The following YIPF7 variants were observed in gnomAD, a reference collection of about 807,000 sequenced individuals.
YIPF7 encodes Yip1 domain family member 7, also known as protein YIPF7.
Under a neutral mutation model 27.2 loss-of-function variants are expected in YIPF7, and 35 were observed. The ratio of observed to expected loss-of-function variants is 1.29; its 90% confidence interval spans 0.98 to 1.70. The LOEUF (loss-of-function observed/expected upper bound fraction) is 1.70, where lower values mean the gene tolerates loss of function less well. Among genes scored for constraint, YIPF7 ranks in the 40% most tolerant of loss-of-function variants. The pLI is 0.00. For missense variants in YIPF7, 358 were observed against 303.7 expected (o/e 1.18, Z -1.33); for synonymous variants, 137 against 110.4 (o/e 1.24, Z -1.51).
At chr4:44,661,867 C>T (rs965813741) in intron 1 of YIPF7, among the ~76,000 whole-genome samples, 1 of 152,084 alleles carries the variant, frequency 6.6e-6, no homozygotes, top group South Asian at 2.1e-4. Context: ...CTTTAATTAC[C>T]AAGTTAATTG....
rs532697907 is a variant in YIPF7 at position 44,622,138 on chromosome 4, C to G, written c.*276G>C. ...TATTTACTTACTTTTCTCAGAAATA[C>G]CTCTATTGAGAAAAGCAGGGTTGAT... On this transcript the variant is annotated 3_prime_UTR_variant, in exon 6 of 6. Transcript: ENST00000415895. 3.1e-6 allele frequency: 1 copy of G among 325,956 alleles called. No homozygotes were observed. The highest frequency in any genetic ancestry group is 6.2e-5 in the East Asian group (1 of 16,254). 20.2% of individuals were successfully genotyped at this position (325,956 alleles called of 1,614,324 possible). A position where few individuals can be genotyped will look rare whatever the true frequency, so the allele number is the denominator to read the frequency against.
chr4:44,624,000 C>T (rs1018198241), intron 5 of YIPF7, among the ~76,000 whole-genome samples: 3 of 151,534 alleles, frequency 2.0e-5, no homozygotes, highest in Non-Finnish European at 2.9e-5. Context: ...TTACACATGA[C>T]AATAGTTCAC....
intron 2 of YIPF7, among the ~76,000 whole-genome samples, chr4:44,647,504 T>C (rs1713568954): frequency 6.6e-6 from 1 of 152,184 alleles, no homozygotes; most frequent in African/African-American, 2.4e-5. Context: ...TAGATATCTT[T>C]CATTGTGGAT....
chr4:44,657,451 C>G (rs1713929526), intron 2 of YIPF7, among the ~76,000 whole-genome samples: 1 of 152,110 alleles, frequency 6.6e-6, no homozygotes, highest in Non-Finnish European at 1.5e-5. Context: ...AGTTGACTGT[C>G]TGGTTTAAAG....
At chr4:44,639,043 A>T (rs1424789217) in intron 2 of YIPF7, among the ~76,000 whole-genome samples, 1 of 152,076 alleles carries the variant, frequency 6.6e-6, no homozygotes, top group Non-Finnish European at 1.5e-5. Context: ...TGTTCCATTG[A>T]TCTATATGTC....
intron 2 of YIPF7, among the ~76,000 whole-genome samples, chr4:44,648,967 T>G (rs1713626385): frequency 6.6e-6 from 1 of 152,182 alleles, no homozygotes; most frequent in Non-Finnish European, 1.5e-5. Flanking sequence ...AATTTTTACT[T>G]CAAATAACTA....
chr4:44,654,718 G>T (rs1156564284), upstream of YIPF7, among the ~76,000 whole-genome samples: 1 of 151,896 alleles, frequency 6.6e-6, no homozygotes, highest in Non-Finnish European at 1.5e-5. Flanking sequence ...ACATCACAAA[G>T]CACTCACTCA....
intron 3 of YIPF7, among the ~76,000 whole-genome samples, chr4:44,633,016 C>A (rs1712970062): frequency 6.6e-6 from 1 of 152,170 alleles, no homozygotes; most frequent in African/African-American, 2.4e-5. Context: ...CCGCCTCCTG[C>A]CAGATGAGCT....
chr4:44,650,560 G>A (rs1713701319), intron 1 of YIPF7, among the ~76,000 whole-genome samples: 1 of 151,264 alleles, frequency 6.6e-6, no homozygotes, highest in African/African-American at 2.4e-5. Context: ...ATCTGCAAAT[G>A]GCTGATAATA....
chr4:44,656,940 A>C (rs1366851137), intron 2 of YIPF7, among the ~76,000 whole-genome samples: 2 of 152,124 alleles, frequency 1.3e-5, no homozygotes, highest in African/African-American at 4.8e-5. Context: ...CTCAGTAAGG[A>C]CGTATGTTTA....
intron 2 of YIPF7, among the ~76,000 whole-genome samples, chr4:44,641,707 T>C (rs1463980022): frequency 1.3e-5 from 2 of 152,170 alleles, no homozygotes; most frequent in African/African-American, 2.4e-5. Flanking sequence ...GAGAATAACT[T>C]ATTTAGGAAA....
At chr4:44,660,875 G>A (rs1054946998) in intron 1 of YIPF7, among the ~76,000 whole-genome samples, 13 of 152,274 alleles carry the variant, frequency 8.5e-5, no homozygotes, top group African/African-American at 2.4e-4. Flanking sequence ...AAAAAATTGA[G>A]ACTTATTTTA....
At position 44,646,580 on chromosome 4, in the gene YIPF7, ACC is replaced by A. The variant is rs1175558645; in HGVS notation, c.116+3403_116+3404del. On this transcript the variant is annotated intron_variant, in intron 2 of 5. Coordinates refer to ENST00000415895, the MANE Select transcript of YIPF7 (RefSeq NM_182592.3). ...GTGGAAAAATATAGCCTCAGTGACT[ACC>A]TATAGATGGTTGGAAATTATCCCTA... Among the ~76,000 whole-genome samples, 53 of 152,296 alleles carry A rather than the reference ACC, an allele frequency of 3.5e-4. 1 individual carries two copies. Among genetic ancestry groups the A allele is most frequent in the Admixed American group, 3.0e-3 (46 of 15,284 alleles).
At chr4:44,630,059 C>G (rs890177532) in intron 3 of YIPF7, among the ~76,000 whole-genome samples, 21 of 152,212 alleles carry the variant, frequency 1.4e-4, no homozygotes, top group African/African-American at 5.1e-4. Flanking sequence ...TCCTCCGCCT[C>G]CTGGGTTCAA....
intron 3 of YIPF7, among the ~76,000 whole-genome samples, chr4:44,632,660 G>C (rs920340351): frequency 6.6e-6 from 1 of 152,100 alleles, no homozygotes; most frequent in African/African-American, 2.4e-5. Context: ...CTGTTGGATT[G>C]TCAATAAAAA....
At chr4:44,655,699 G>A (rs531528685), upstream of YIPF7, among the ~76,000 whole-genome samples, 9 of 151,968 alleles carry the variant, frequency 5.9e-5, no homozygotes, top group East Asian at 1.9e-4. Flanking sequence ...AGAATAGAAC[G>A]CATTGTTTTC....
chr4:44,650,482 G>GGC (rs1713690280), intron 1 of YIPF7, among the ~76,000 whole-genome samples: 1 of 133,958 alleles, frequency 7.5e-6, no homozygotes. Context: ...ATTTTAAGCA[G>GGC]GCGCACACAC....
intron 4 of YIPF7, among the ~76,000 whole-genome samples, chr4:44,625,293 C>A (rs547977698): frequency 6.6e-6 from 1 of 152,126 alleles, no homozygotes; most frequent in Admixed American, 6.5e-5. Flanking sequence ...ATTATTACAC[C>A]AACTTTACAC....
At chr4:44,628,692 A>G (rs1712759539) in intron 4 of YIPF7, among the ~76,000 whole-genome samples, 1 of 152,056 alleles carries the variant, frequency 6.6e-6, no homozygotes, top group African/African-American at 2.4e-5. Flanking sequence ...ACATTTTCCT[A>G]AACTATGAGC....
Sources: allele counts gnomAD v4.1 joint callset (sites outside exome capture counted in the v4.1 genomes callset), GRCh38; gene constraint gnomAD v4.1.1; transcripts MANE v1.5; gene names NCBI Gene and HGNC (gene_info 2026-07-23, HGNC 2026-07-21).